The following FHOD3 variants were observed in gnomAD, a reference collection of about 807,000 sequenced individuals.
FHOD3 encodes the protein FH1/FH2 domain-containing protein 3.
Under a neutral mutation model 173.0 loss-of-function variants are expected in FHOD3, and 90 were observed. That is an observed-to-expected ratio of 0.52 (90% confidence interval 0.44 to 0.62). The LOEUF (loss-of-function observed/expected upper bound fraction) is 0.62, where lower values mean the gene tolerates loss of function less well. Among genes scored for constraint, FHOD3 ranks in the 20% least tolerant of loss-of-function variants. The pLI, the probability that FHOD3 is intolerant of heterozygous loss-of-function variation, is 0.00. For missense variants in FHOD3, 1,945 were observed against 2,034.7 expected, an observed-to-expected ratio of 0.96 and a Z score of 0.85; for synonymous variants, 828 against 823.0, an observed-to-expected ratio of 1.01 and a Z score of -0.10.
In FHOD3 at chr18:36,769,345, A is replaced by G. The variant is rs749323905; in HGVS notation, c.4705A>G (p.Ile1569Val). The G allele has an allele frequency of 2.5e-6, 4 of 1,614,176 alleles. No homozygotes were observed. The highest frequency in any genetic ancestry group is 2.2e-5 in the South Asian group (2 of 91,084). Residue 1569 changes from isoleucine to valine, a missense_variant, in exon 28 of 29, where the codon ATC (isoleucine) becomes GTC (valine). Physicochemically the swap from Ile to Val is conservative, Grantham distance 29. Coordinates refer to ENST00000590592, the MANE Select transcript of FHOD3 (RefSeq NM_001281740.3). ...DDAADEIMDRIVKSATQVPSQ... is the reference protein window; with the variant it reads ...DDAADEIMDRVVKSATQVPSQ... ...TGCAGCTGATGAGATCATGGACCGCATCGTCAAGTCAGCCACCCAAGTGCC... is the reference window on the plus strand; with the variant it reads ...TGCAGCTGATGAGATCATGGACCGCGTCGTCAAGTCAGCCACCCAAGTGCC...
chr18:36,506,136 T>C (rs911230182), intron 4 of FHOD3, among the ~76,000 whole-genome samples: 6 of 152,216 alleles, frequency 3.9e-5, no homozygotes, highest in Non-Finnish European at 7.3e-5. Flanking sequence ...TAAAAAATAA[T>C]GATTATGCCA....
At chr18:36,566,446 G>A (rs1025409208) in intron 5 of FHOD3, among the ~76,000 whole-genome samples, 1 of 152,170 alleles carries the variant, frequency 6.6e-6, no homozygotes, top group Non-Finnish European at 1.5e-5. Flanking sequence ...AAAGCCTTCA[G>A]ATGGTAGCAA....
In FHOD3 at chr18:36,654,040, C is replaced by T. The variant is rs533779858; in HGVS notation, c.1721+624C>T. 3.5e-4 allele frequency among the ~76,000 whole-genome samples: 53 copies of T among 152,204 alleles called. No homozygotes were observed. The Middle Eastern group carries it at 0.027, about 78-fold the overall frequency. On this transcript the variant is annotated intron_variant, in intron 13 of 28. Coordinates refer to ENST00000590592, the MANE Select transcript of FHOD3 (RefSeq NM_001281740.3). ...TTCCAGAGTCGCTTCCTAACCCGTA[C>T]GTGGTGCTGCTGTCTGTCATTTAGG... is the stretch of plus-strand genomic sequence containing the variant.
intron 5 of FHOD3, among the ~76,000 whole-genome samples, chr18:36,518,393 A>G (rs2056102644): frequency 6.6e-6 from 1 of 152,206 alleles, no homozygotes; most frequent in Non-Finnish European, 1.5e-5. Context: ...TGGTAGCTGT[A>G]CAGCTAGGCT....
Position 36,660,322 on chromosome 18 carries a change from G to C in FHOD3, c.1835+2134G>C, listed in dbSNP as rs570819563. Among the ~76,000 whole-genome samples the C allele has an allele frequency of 2.0e-5, 3 of 152,262 alleles. No homozygotes were observed. The South Asian group carries it at 6.2e-4, about 32-fold the overall frequency. On this transcript the variant is annotated intron_variant, in intron 14 of 28. Transcript: ENST00000590592. Reference sequence around the variant, plus strand: ...ATCCCAGAGTGCCTTGAACATCCTGGGGAAGAGGCTGGACTTTATCCTGAG... The same window carrying C: ...ATCCCAGAGTGCCTTGAACATCCTGCGGAAGAGGCTGGACTTTATCCTGAG...
intron 3 of FHOD3, among the ~76,000 whole-genome samples, chr18:36,488,179 G>T (rs928893940): frequency 5.9e-5 from 9 of 152,212 alleles, no homozygotes; most frequent in African/African-American, 2.2e-4. Context: ...CCCATGGGTT[G>T]GGGCAGGTGA....
chr18:36,409,146 C>A (rs1301003868), intron 3 of FHOD3, among the ~76,000 whole-genome samples: 2 of 152,176 alleles, frequency 1.3e-5, no homozygotes, highest in African/African-American at 2.4e-5. Context: ...GAACCACCAT[C>A]CTCTGCTAAC....
In FHOD3 at chr18:36,411,753, C is replaced by A. The variant is rs143089649; in HGVS notation, c.337+39009C>A. Reference sequence around the variant, plus strand: ...ATTAATTTTCAAAAAGGGTGAAGAACCAAGATTCTGATTCCTATTTTTAAA... The same window carrying A: ...ATTAATTTTCAAAAAGGGTGAAGAAACAAGATTCTGATTCCTATTTTTAAA... On this transcript the variant is annotated intron_variant, in intron 3 of 28. Transcript: ENST00000590592. Among the ~76,000 whole-genome samples the A allele has an allele frequency of 2.8e-4, 43 of 152,324 alleles. 1 individual carries two copies. The East Asian group carries it at 8.1e-3, about 29-fold the overall frequency.
chr18:36,606,069 G>A (rs930163161), intron 8 of FHOD3, among the ~76,000 whole-genome samples: 3 of 152,192 alleles, frequency 2.0e-5, no homozygotes, highest in African/African-American at 4.8e-5. Flanking sequence ...TTCAGGGAAA[G>A]CAGGACCCCA....
At chr18:36,463,951 C>G (rs1383539446) in intron 3 of FHOD3, among the ~76,000 whole-genome samples, 1 of 151,718 alleles carries the variant, frequency 6.6e-6, no homozygotes, top group African/African-American at 2.4e-5. Flanking sequence ...ATAAAATACT[C>G]AAACATAAGA....
chr18:36,479,321 AT>A (rs2053755371), intron 3 of FHOD3, among the ~76,000 whole-genome samples: 1 of 152,230 alleles, frequency 6.6e-6, no homozygotes, highest in African/African-American at 2.4e-5. Context: ...CACTGAACCT[AT>A]TCATAATATA....
intron 4 of FHOD3, among the ~76,000 whole-genome samples, chr18:36,512,015 C>T (rs2055681769): frequency 6.6e-6 from 1 of 152,252 alleles, no homozygotes; most frequent in African/African-American, 2.4e-5. Flanking sequence ...ATCTTTGGAA[C>T]ACATTAGTGG....
chr18:36,652,892 A>G lies in FHOD3; in HGVS notation c.1609A>G (p.Thr537Ala), dbSNP rs891611429. 3.5e-5 allele frequency: 54 copies of G among 1,534,978 alleles called. No individual in the cohort carries two copies. Among genetic ancestry groups the G allele is most frequent in the Non-Finnish European group, 4.5e-5 (52 of 1,145,980 alleles). Residue 537 changes from threonine to alanine, a missense_variant, in exon 12 of 29, where the codon ACC becomes GCC. Thr to Ala is a moderately conservative substitution (Grantham distance 58). Around this residue, in one of 5 missense-constraint regions of FHOD3, gnomAD observed 1,099 missense variants for 1,051.2 expected, o/e 1.05. Transcript: ENST00000590592. Reference sequence around the variant, plus strand: ...TGACTTTGAGGACTCCTCCCTGTCCACCAAGGAGAAGGAAGCAGAGTCCCA... The same window carrying G: ...TGACTTTGAGGACTCCTCCCTGTCCGCCAAGGAGAAGGAAGCAGAGTCCCA... ...SYDFEDSSLS[T>A]KEKEAESQKE... is the part of the protein sequence containing the mutation.
At chr18:36,576,197 G>A (rs908947128) in intron 5 of FHOD3, among the ~76,000 whole-genome samples, 4 of 152,206 alleles carry the variant, frequency 2.6e-5, no homozygotes. Context: ...AAGGCACACA[G>A]AAACAACAAT....
At position 36,623,986 on chromosome 18, in the gene FHOD3, T is replaced by C. The variant is rs948945397; in HGVS notation, c.958-1525T>C. On this transcript the variant is annotated intron_variant, in intron 9 of 28. Transcript: ENST00000590592. Reference sequence around the variant, plus strand: ...GTTAAAGCCATATACTGTGGTTAGCTATCTGAGTCTTTATATTCTCCATTC... The same window carrying C: ...GTTAAAGCCATATACTGTGGTTAGCCATCTGAGTCTTTATATTCTCCATTC... Among the ~76,000 whole-genome samples the C allele has an allele frequency of 9.9e-5, 15 of 152,248 alleles. No individual in the cohort carries two copies. In the South Asian group the frequency reaches 1.7e-3, roughly 17 times the overall value.
In FHOD3 at chr18:36,693,938, G is replaced by A. The variant is rs555988120; in HGVS notation, c.2236+515G>A. On this transcript the variant is annotated intron_variant, in intron 17 of 28. Transcript: ENST00000590592. Reference sequence around the variant, plus strand: ...TTGTAAAAATTACTGGCACATGGTTGGATGTGGGTGTGTGTGTGTACGTCC... The same window carrying A: ...TTGTAAAAATTACTGGCACATGGTTAGATGTGGGTGTGTGTGTGTACGTCC... 2.2e-3 allele frequency among the ~76,000 whole-genome samples: 333 copies of A among 152,342 alleles called. 1 individual carries two copies. The highest frequency in any genetic ancestry group is 7.5e-3 in the African/African-American group (313 of 41,578).
At chr18:36,473,789 C>T (rs906827796) in intron 3 of FHOD3, among the ~76,000 whole-genome samples, 1 of 152,212 alleles carries the variant, frequency 6.6e-6, no homozygotes, top group Admixed American at 6.5e-5. Context: ...ACTAAGCCTT[C>T]AGGTCCCCTG....
intron 24 of FHOD3, 84 bp downstream of exon 24, chr18:36,747,219 A>C: frequency 8.9e-7 from 1 of 1,129,772 alleles, no homozygotes; most frequent in East Asian, 2.5e-5. Context: ...CCGATGGTTA[A>C]ATTTACAGAT....
chr18:36,519,856 G>T (rs1333707904), intron 5 of FHOD3, among the ~76,000 whole-genome samples: 1 of 151,644 alleles, frequency 6.6e-6, no homozygotes, highest in African/African-American at 2.4e-5. Context: ...GGTTGATTTT[G>T]GTTTTCCCTC....
Sources: allele counts gnomAD v4.1 joint callset (sites outside exome capture counted in the v4.1 genomes callset), GRCh38; gene constraint gnomAD v4.1.1; regional missense constraint gnomAD v4.1.1; transcripts MANE v1.5; gene names NCBI Gene and HGNC (gene_info 2026-07-23, HGNC 2026-07-21).